ERICH1: variants seen among roughly 807,000 people sequenced by gnomAD.
ERICH1 encodes glutamate rich 1.
In ERICH1, 56 loss-of-function variants were observed where a neutral mutation model predicts 39.6. The observed-to-expected ratio is 1.41, with a 90% confidence interval of 1.14 to 1.77. ERICH1 has a LOEUF of 1.77. Ranked by LOEUF, ERICH1 falls within the 40% of genes most tolerant of loss-of-function variation. The pLI, the probability that ERICH1 is intolerant of heterozygous loss-of-function variation, is 0.00. For missense variants in ERICH1, 826 were observed against 575.4 expected (o/e 1.44, Z -4.45); for synonymous variants, 313 against 223.6 (o/e 1.40, Z -3.57).
intron 3 of ERICH1, among the ~76,000 whole-genome samples, chr8:636,119 C>G (rs1021049933): frequency 1.3e-5 from 2 of 152,258 alleles, no homozygotes; most frequent in African/African-American, 4.8e-5. Context: ...AACACTCAGC[C>G]TGGGGCTAAT....
At chr8:642,110 G>C (rs1025736526) in intron 3 of ERICH1, among the ~76,000 whole-genome samples, 3 of 152,142 alleles carry the variant, frequency 2.0e-5, no homozygotes, top group African/African-American at 7.2e-5. Flanking sequence ...CTTTGGGTGA[G>C]CACATGCAAA....
At chr8:621,272 G>A (rs336423) in intron 3 of ERICH1, among the ~76,000 whole-genome samples, 6 of 152,008 alleles carry the variant, frequency 3.9e-5, no homozygotes, top group African/African-American at 1.4e-4. Context: ...AGCTAAAGCA[G>A]TGCCCAGAGG....
intron 3 of ERICH1, among the ~76,000 whole-genome samples, chr8:691,917 G>A (rs1346822211): frequency 6.6e-6 from 1 of 152,098 alleles, no homozygotes; most frequent in Non-Finnish European, 1.5e-5. Context: ...CCCTTTTAAG[G>A]TAAAAAGTAT....
intron 3 of ERICH1, among the ~76,000 whole-genome samples, chr8:676,988 A>C (rs941435150): frequency 6.6e-6 from 1 of 152,220 alleles, no homozygotes; most frequent in Admixed American, 6.5e-5. Context: ...GATAGAATAC[A>C]TGAGTTCCTC....
intron 3 of ERICH1, among the ~76,000 whole-genome samples, chr8:679,859 C>A (rs1379061336): frequency 3.4e-5 from 5 of 146,626 alleles, no homozygotes; most frequent in Non-Finnish European, 7.4e-5. Context: ...ACAGAAGATG[C>A]AAGAGAATCC....
At chr8:686,939 G>A (rs1345120611) in intron 3 of ERICH1, among the ~76,000 whole-genome samples, 1 of 94,946 alleles carries the variant, frequency 1.1e-5, no homozygotes, top group Non-Finnish European at 2.3e-5. Context: ...TGCGAGGAAT[G>A]CGGAGCGGGG....
In ERICH1 at chr8:692,568, T is replaced by C; in HGVS notation, c.214A>G (p.Ser72Gly). ...TPTARRLYTA[S>G]GPPEGYVPCW... ...GGGACGTAGCCCTCAGGAGGCCCGCTGGCAGTGTAGAGCCGTCGGGCAGTC... is the reference window on the plus strand; with the variant it reads ...GGGACGTAGCCCTCAGGAGGCCCGCCGGCAGTGTAGAGCCGTCGGGCAGTC... Residue 72 changes from serine (S) to glycine (G), a missense_variant, in exon 3 of 6, where the codon AGC (serine) becomes GGC (glycine). Ser to Gly is a moderately conservative substitution (Grantham distance 56). Transcript: ENST00000262109. 6.2e-7 allele frequency: 1 copy of C among 1,613,202 alleles called. No homozygotes were observed. Among genetic ancestry groups the C allele is most frequent in the Non-Finnish European group, 8.5e-7 (1 of 1,179,702 alleles).
At position 673,967 on chromosome 8, in the gene ERICH1, C is replaced by A. The variant is rs1033832753; in HGVS notation, c.385G>T (p.Val129Phe). ...TCTAATTCTGCTTGTTCTATAAGAA[C>A]ATTATTGGGATTTTTAAATTTTTTC... Reference protein sequence around the residue: ...SKKKFKNPNNVLIEQAELEKQ... With the variant: ...SKKKFKNPNNFLIEQAELEKQ... Residue 129 changes from valine to phenylalanine, a missense_variant, in exon 4 of 6, where the codon GTT becomes TTT. By Grantham distance (50) the Val-to-Phe change is conservative. Coordinates refer to ENST00000262109, the MANE Select transcript of ERICH1 (RefSeq NM_207332.3). The A allele has an allele frequency of 3.1e-6, 5 of 1,597,688 alleles. No individual in the cohort carries two copies. Among genetic ancestry groups the A allele is most frequent in the Non-Finnish European group, 3.4e-6 (4 of 1,176,856 alleles).
At chr8:717,689 C>T (rs546520831) in intron 1 of ERICH1, among the ~76,000 whole-genome samples, 51 of 152,344 alleles carry the variant, frequency 3.3e-4, no homozygotes, top group Middle Eastern at 3.4e-3. Context: ...AGGACAGGGG[C>T]GCTCAGAGCT....
intron 1 of ERICH1, among the ~76,000 whole-genome samples, chr8:724,295 G>C (rs879878298): frequency 3.9e-5 from 6 of 152,184 alleles, no homozygotes; most frequent in African/African-American, 1.4e-4. Context: ...GGACAACATA[G>C]TGAGATCCGA....
chr8:699,504 C>T (rs1441670125), intron 2 of ERICH1, among the ~76,000 whole-genome samples: 1 of 152,202 alleles, frequency 6.6e-6, no homozygotes, highest in Admixed American at 6.5e-5. Context: ...CCGCTGGGCG[C>T]CGCACCCAGA....
At chr8:680,461 A>C (rs1234831691) in intron 3 of ERICH1, among the ~76,000 whole-genome samples, 6 of 143,656 alleles carry the variant, frequency 4.2e-5, no homozygotes, top group East Asian at 2.2e-4. Context: ...CCAAGAGAAT[A>C]CACAGCTGCC....
intron 3 of ERICH1, among the ~76,000 whole-genome samples, chr8:649,796 G>A (rs1426683356): frequency 6.6e-6 from 1 of 152,196 alleles, no homozygotes; most frequent in Non-Finnish European, 1.5e-5. Context: ...CAGCCGCACA[G>A]GGCGGACGGC....
At chr8:651,735 T>G (rs570839252) in intron 3 of ERICH1, among the ~76,000 whole-genome samples, 28 of 131,192 alleles carry the variant, frequency 2.1e-4, no homozygotes, top group Admixed American at 5.4e-4. Flanking sequence ...GGGAGAAGAC[T>G]GAGGGGAGAG....
intron 2 of ERICH1, among the ~76,000 whole-genome samples, chr8:693,651 G>A (rs528377822): frequency 1.1e-4 from 16 of 149,660 alleles, no homozygotes; most frequent in Admixed American, 6.7e-5. Context: ...CACCACCACC[G>A]TGGACGGTGG....
chr8:660,504 C>A (rs759980381), downstream of ERICH1, among the ~76,000 whole-genome samples: 10 of 152,344 alleles, frequency 6.6e-5, no homozygotes, highest in Admixed American at 1.3e-4. Context: ...TGCGGCCACA[C>A]GAACAGCATT....
Position 692,585 on chromosome 8 carries a change from C to A in ERICH1, c.197G>T (p.Arg66Leu). The A allele has an allele frequency of 9.3e-6, 15 of 1,605,850 alleles. No homozygotes were observed. The highest frequency in any genetic ancestry group is 1.3e-5 in the Non-Finnish European group (15 of 1,175,416). ...AGGCCCGCTGGCAGTGTAGAGCCGT[C>A]GGGCAGTCGGGGTCTCAGAGCCAGT... Reference protein sequence around the residue: ...TDTGSETPTARRLYTASGPPE... With the variant: ...TDTGSETPTALRLYTASGPPE... The change falls in exon 3 of 6, where the codon CGA becomes CTA. Residue 66 changes from arginine (R) to leucine (L), a missense_variant. By Grantham distance (102) the Arg-to-Leu change is moderately radical (BLOSUM62 -2). Coordinates refer to ENST00000262109, the MANE Select transcript of ERICH1 (RefSeq NM_207332.3).
rs908011963 is a variant in ERICH1, at chr8:664,656, C to G, written c.1279G>C (p.Ala427Pro). 5 of 1,612,236 alleles carry G rather than the reference C, an allele frequency of 3.1e-6. No individual in the cohort carries two copies. The Admixed American group carries it at 5.0e-5, about 16-fold the overall frequency. Residue 427 changes from alanine (A) to proline (P), a missense_variant, in exon 6 of 6, where the codon GCT (alanine) becomes CCT (proline). Ala to Pro is a conservative substitution (Grantham distance 27). Transcript: ENST00000262109. Reference protein sequence around the residue: ...MPPDHARVISAFFSYWITHIL... With the variant: ...MPPDHARVISPFFSYWITHIL... ...TGTGTGATCCAGTAACTAAAGAAAG[C>G]TGAGATTACTCTGGCATGGTCTAGA...
chr8:643,848 G>C (rs752641827), intron 3 of ERICH1, among the ~76,000 whole-genome samples: 2 of 152,230 alleles, frequency 1.3e-5, no homozygotes, highest in Non-Finnish European at 2.9e-5. Flanking sequence ...ATGTTTATAA[G>C]TAGATGCTAA....
Sources: allele counts gnomAD v4.1 joint callset (sites outside exome capture counted in the v4.1 genomes callset), GRCh38; gene constraint gnomAD v4.1.1; transcripts MANE v1.5; gene names NCBI Gene and HGNC (gene_info 2026-07-23, HGNC 2026-07-21).